Variants in MBD5 observed in about 807,000 individuals in gnomAD.
MBD5 encodes the protein methyl-CpG-binding domain protein 5.
In MBD5, 13 loss-of-function variants were observed where a neutral mutation model predicts 117.3. The observed-to-expected ratio is 0.11, with a 90% CI of 0.07 to 0.18. MBD5 has a LOEUF of 0.18. Ranked by LOEUF, MBD5 falls within the 10% of genes least tolerant of loss-of-function variation. The pLI is 1.00. For missense variants in MBD5, 1,879 were observed against 2,093.8 expected (o/e 0.90, Z 2.00); for synonymous variants, 727 against 766.4 (o/e 0.95, Z 0.85).
At chr2:148,349,783 G>T (rs1362611558) in intron 4 of MBD5, among the ~76,000 whole-genome samples, 1 of 151,932 alleles carries the variant, frequency 6.6e-6, no homozygotes, top group Non-Finnish European at 1.5e-5. Flanking sequence ...TAATAAAAAT[G>T]AGAGAGAAAA....
At chr2:148,129,045 C>T (rs901496336) in intron 1 of MBD5, among the ~76,000 whole-genome samples, 2 of 152,080 alleles carry the variant, frequency 1.3e-5, no homozygotes, top group Admixed American at 1.3e-4. Flanking sequence ...TGCCTTTCGT[C>T]TTTTTTATAA....
At chr2:148,422,612 A>G (rs1004936830) in intron 4 of MBD5, among the ~76,000 whole-genome samples, 2 of 152,206 alleles carry the variant, frequency 1.3e-5, no homozygotes, top group African/African-American at 4.8e-5. Context: ...TTGGCTTCAG[A>G]AGGTGTGTAA....
chr2:148,354,427 C>T (rs1406672133), intron 4 of MBD5, among the ~76,000 whole-genome samples: 5 of 152,170 alleles, frequency 3.3e-5, no homozygotes, highest in Non-Finnish European at 1.5e-5. Context: ...CATCCATGTC[C>T]CTGCAAAGGA....
chr2:148,183,305 T>C (rs1054341981), intron 2 of MBD5, among the ~76,000 whole-genome samples: 11 of 151,926 alleles, frequency 7.2e-5, no homozygotes, highest in East Asian at 5.8e-4. Flanking sequence ...ATAGTGACCA[T>C]GTATTATCGA....
At chr2:148,171,380 T>C (rs906341036) in intron 1 of MBD5, among the ~76,000 whole-genome samples, 4 of 152,172 alleles carry the variant, frequency 2.6e-5, no homozygotes, top group African/African-American at 9.7e-5. Context: ...GAAGGACGTA[T>C]GATCATCTGA....
At chr2:148,331,767 T>A (rs1702663170) in intron 3 of MBD5, among the ~76,000 whole-genome samples, 3 of 152,084 alleles carry the variant, frequency 2.0e-5, no homozygotes. Context: ...TTGTTTACAG[T>A]TGTGACAGGA....
At chr2:148,507,528 G>C (rs1474504986) in intron 12 of MBD5, among the ~76,000 whole-genome samples, 1 of 151,132 alleles carries the variant, frequency 6.6e-6, no homozygotes, top group Non-Finnish European at 1.5e-5. Context: ...GGGAGGCCGA[G>C]GCGGGCAGAT....
chr2:148,377,795 C>G (rs540144802), intron 4 of MBD5, among the ~76,000 whole-genome samples: 2 of 152,298 alleles, frequency 1.3e-5, no homozygotes, highest in Admixed American at 1.3e-4. Flanking sequence ...CCCCTTCCTT[C>G]TTTGAGGGTA....
chr2:148,369,976 A>G (rs1195625959), intron 4 of MBD5, among the ~76,000 whole-genome samples: 1 of 152,144 alleles, frequency 6.6e-6, no homozygotes, highest in Non-Finnish European at 1.5e-5. Flanking sequence ...ACATTTACTC[A>G]TTCTTTATTC....
At chr2:148,275,403 A>G (rs534013266) in intron 3 of MBD5, among the ~76,000 whole-genome samples, 8 of 152,196 alleles carry the variant, frequency 5.3e-5, no homozygotes, top group Admixed American at 3.3e-4. Flanking sequence ...GTATGTAGAG[A>G]GAGGGATTTA....
At chr2:148,073,180 A>C (rs1002272762) in intron 1 of MBD5, among the ~76,000 whole-genome samples, 7 of 152,136 alleles carry the variant, frequency 4.6e-5, no homozygotes, top group Admixed American at 1.3e-4. Flanking sequence ...TGCCAAGGAG[A>C]TAGATCAGCT....
intron 2 of MBD5, among the ~76,000 whole-genome samples, chr2:148,187,685 A>T (rs987418568): frequency 6.6e-6 from 1 of 152,130 alleles, no homozygotes; most frequent in African/African-American, 2.4e-5. Context: ...CTTAAATTCT[A>T]TAACCAGGAA....
At chr2:148,059,406 G>A (rs1694964810) in intron 1 of MBD5, among the ~76,000 whole-genome samples, 1 of 152,078 alleles carries the variant, frequency 6.6e-6, no homozygotes, top group East Asian at 1.9e-4. Context: ...TACCGTTACT[G>A]TTAAGTTTGC....
rs1317892775 is a variant in MBD5 at position 148,489,813 on chromosome 2, C to T, written c.4181C>T (p.Ser1394Leu). The T allele has an allele frequency of 4.3e-6, 7 of 1,613,840 alleles. No homozygotes were observed. Among genetic ancestry groups the T allele is most frequent in the Non-Finnish European group, 5.9e-6 (7 of 1,179,990 alleles). ...GATCATGATGGTAGGCTGAGGAATT[C>T]AAGAGGGGCTCGGCTGCCCAAGAAT... is the stretch of plus-strand genomic sequence containing the variant. ...GVDHDGRLRN[S>L]RGARLPKNLD... is the part of the protein sequence containing the mutation. Residue 1394 changes from serine (S) to leucine (L), a missense_variant, in exon 11 of 14, where the codon TCA becomes TTA. Physicochemically the swap from Ser to Leu is moderately radical, Grantham distance 145. Coordinates refer to ENST00000642680, the MANE Select transcript of MBD5 (RefSeq NM_001378120.1).
chr2:148,118,710 A>C (rs1245727923), intron 1 of MBD5, among the ~76,000 whole-genome samples: 1 of 152,164 alleles, frequency 6.6e-6, no homozygotes, highest in African/African-American at 2.4e-5. Context: ...AGCTCTAGGC[A>C]ATCACTAATC....
At chr2:148,060,082 T>C (rs928314211) in intron 1 of MBD5, among the ~76,000 whole-genome samples, 18 of 131,150 alleles carry the variant, frequency 1.4e-4, no homozygotes, top group Admixed American at 9.3e-5. Flanking sequence ...GTATATATAC[T>C]TCGCGAGCAC....
At chr2:148,463,717 A>G in intron 6 of MBD5, 22 bp from the exon 7 acceptor site, 2 of 1,613,268 alleles carry the variant, frequency 1.2e-6, no homozygotes, top group Non-Finnish European at 1.7e-6. Context: ...CATATTCTAA[A>G]CAAAGGCTGT....
At chr2:148,199,823 C>G (rs1359778741) in intron 2 of MBD5, among the ~76,000 whole-genome samples, 2 of 152,014 alleles carry the variant, frequency 1.3e-5, no homozygotes, top group Non-Finnish European at 2.9e-5. Context: ...TATCCCAGCT[C>G]TCTATAACAT....
At chr2:148,155,821 G>C (rs1027248130) in intron 1 of MBD5, among the ~76,000 whole-genome samples, 1 of 152,190 alleles carries the variant, frequency 6.6e-6, no homozygotes, top group African/African-American at 2.4e-5. Flanking sequence ...ATAGAGCAGT[G>C]TAATAAGCAC....
Sources: allele counts gnomAD v4.1 joint callset (sites outside exome capture counted in the v4.1 genomes callset), GRCh38; gene constraint gnomAD v4.1.1; transcripts MANE v1.5; gene names NCBI Gene and HGNC (gene_info 2026-07-23, HGNC 2026-07-21).